SGCZ: variants seen among roughly 807,000 people sequenced by gnomAD.
The protein encoded by SGCZ is zeta-sarcoglycan.
A neutral mutation model predicts 41.3 loss-of-function variants in SGCZ; 40 were observed. The observed-to-expected ratio is 0.97, with a 90% CI of 0.75 to 1.26. The LOEUF is 1.26. Among genes scored for constraint, SGCZ ranks in the 50% most tolerant of loss-of-function variants. The pLI is 0.00. For synonymous variants in SGCZ, 206 were observed against 137.5 expected, an observed-to-expected ratio of 1.50 and a Z score of -3.49; for missense variants, 552 against 369.8, an observed-to-expected ratio of 1.49 and a Z score of -4.04.
intron 5 of SGCZ, among the ~76,000 whole-genome samples, chr8:14,153,867 T>A (rs997376579): frequency 1.3e-5 from 2 of 151,994 alleles, no homozygotes; most frequent in Non-Finnish European, 2.9e-5. Context: ...AGTGCCCTTA[T>A]GAGAAGAAGA....
Position 14,595,603 on chromosome 8 carries a change from C to T in SGCZ, c.40-40677G>A, listed in dbSNP as rs952840619. On this transcript the variant is annotated intron_variant, in intron 1 of 7. Transcript: ENST00000382080. ...GCAGCTGGCTAACCTTGAACTAATT[C>T]CCAGTTTGTTTTGCATCCTCATCTC... Among the ~76,000 whole-genome samples the T allele has an allele frequency of 3.3e-5, 5 of 152,118 alleles. 1 individual carries two copies. The highest frequency in any genetic ancestry group is 1.3e-4 in the Admixed American group (2 of 15,262).
At chr8:14,789,901 A>G (rs1452958197) in intron 1 of SGCZ, among the ~76,000 whole-genome samples, 2 of 152,140 alleles carry the variant, frequency 1.3e-5, no homozygotes, top group Non-Finnish European at 2.9e-5. Flanking sequence ...ATAAAATTTC[A>G]GGCCCATGAA....
chr8:15,073,444 G>T (rs1805424203), intron 1 of SGCZ, among the ~76,000 whole-genome samples: 1 of 152,142 alleles, frequency 6.6e-6, no homozygotes, highest in African/African-American at 2.4e-5. Flanking sequence ...TAAGATTAAT[G>T]AAAATGCAAG....
rs530952148 is a variant in SGCZ at position 15,186,160 on chromosome 8, G to A, written c.39+51425C>T. Among the ~76,000 whole-genome samples the A allele has an allele frequency of 5.3e-5, 8 of 150,344 alleles. No individual in the cohort carries two copies. In the East Asian group the frequency reaches 1.6e-3, roughly 29 times the overall value. ...GCCTGTAGTCCCAGCTACTCGGGAG[G>A]CTGAGCCAGGAGAATGGCATGAACC... On this transcript the variant is annotated intron_variant, in intron 1 of 7. Transcript: ENST00000382080.
At chr8:15,088,689 C>T (rs1806039970) in intron 1 of SGCZ, among the ~76,000 whole-genome samples, 1 of 152,076 alleles carries the variant, frequency 6.6e-6, no homozygotes, top group South Asian at 2.1e-4. Flanking sequence ...ACACCCTTTC[C>T]CCCTGCACTT....
chr8:15,219,413 C>A (rs775646643), intron 1 of SGCZ, among the ~76,000 whole-genome samples: 2 of 152,314 alleles, frequency 1.3e-5, no homozygotes, highest in Middle Eastern at 3.4e-3. Context: ...ACTGCATCTT[C>A]TGCTTTCATA....
chr8:14,982,716 C>G (rs1294891336), intron 1 of SGCZ, among the ~76,000 whole-genome samples: 1 of 152,098 alleles, frequency 6.6e-6, no homozygotes, highest in African/African-American at 2.4e-5. Flanking sequence ...TTTTCCATTG[C>G]TATAGAGAAA....
chr8:14,519,644 C>A (rs1243214695), intron 2 of SGCZ, among the ~76,000 whole-genome samples: 8 of 152,034 alleles, frequency 5.3e-5, no homozygotes, highest in Non-Finnish European at 1.0e-4. Flanking sequence ...GGCCTCTCTA[C>A]CTTTCTTCGT....
Position 14,820,180 on chromosome 8 carries a change from T to C in SGCZ, c.40-265254A>G, listed in dbSNP as rs78914876. Among the ~76,000 whole-genome samples the C allele has an allele frequency of 8.3e-3, 1,268 of 152,048 alleles. 62 individuals are homozygous for C. Among genetic ancestry groups the C allele is most frequent in the Admixed American group, 0.056 (862 of 15,276 alleles). On this transcript the variant is annotated intron_variant, in intron 1 of 7. Coordinates refer to ENST00000382080, the MANE Select transcript of SGCZ (RefSeq NM_139167.4). ...ACAAACATCAACTAAATGGAAGGCA[T>C]AGAAAAAGACATTTCAGGCAAATGA...
chr8:15,139,653 C>T (rs966567902), intron 1 of SGCZ, among the ~76,000 whole-genome samples: 4 of 149,876 alleles, frequency 2.7e-5, no homozygotes, highest in Non-Finnish European at 6.0e-5. Flanking sequence ...CTTATTTAAC[C>T]AAAATTCCAA....
intron 1 of SGCZ, among the ~76,000 whole-genome samples, chr8:14,711,086 T>C (rs1202638052): frequency 6.6e-6 from 1 of 152,180 alleles, no homozygotes; most frequent in Admixed American, 6.5e-5. Flanking sequence ...CTTATGCTTA[T>C]TCATGAAGTC....
chr8:14,167,519 C>G (rs1178349449), intron 4 of SGCZ, among the ~76,000 whole-genome samples: 1 of 151,872 alleles, frequency 6.6e-6, no homozygotes, highest in East Asian at 1.9e-4. Context: ...TTAGGAACAT[C>G]TCTGAGAAAG....
intron 2 of SGCZ, among the ~76,000 whole-genome samples, chr8:14,423,484 T>C (rs1799691531): frequency 6.6e-6 from 1 of 152,110 alleles, no homozygotes; most frequent in Non-Finnish European, 1.5e-5. Context: ...TGGTGCAATG[T>C]CGACTCACCG....
At chr8:14,964,995 A>T (rs369374637) in intron 1 of SGCZ, among the ~76,000 whole-genome samples, 2 of 152,136 alleles carry the variant, frequency 1.3e-5, no homozygotes, top group Admixed American at 6.5e-5. Flanking sequence ...TTACCCACTC[A>T]GTTCTAATCC....
chr8:14,137,087 C>CTGT (rs1230424074), intron 5 of SGCZ, among the ~76,000 whole-genome samples: 1 of 152,182 alleles, frequency 6.6e-6, no homozygotes, highest in East Asian at 1.9e-4. Flanking sequence ...TGGGTCCTGA[C>CTGT]TGTTAGAAGG....
intron 1 of SGCZ, among the ~76,000 whole-genome samples, chr8:14,657,224 A>C (rs17119940): frequency 0.26 from 39,127 of 151,782 alleles, 5,695 homozygotes; most frequent in African/African-American, 0.39. Context: ...TTTTCCCTGT[A>C]ACCCCAGAAA....
chr8:14,532,804 A>G (rs895065892), intron 2 of SGCZ, among the ~76,000 whole-genome samples: 2 of 151,660 alleles, frequency 1.3e-5, no homozygotes, highest in Non-Finnish European at 2.9e-5. Flanking sequence ...ACAAAAACGT[A>G]AAGAAAGTCC....
chr8:14,309,508 A>G, intron 3 of SGCZ: 6 of 1,609,062 alleles, frequency 3.7e-6, no homozygotes, highest in Non-Finnish European at 5.1e-6. Context: ...GTGATAAGAG[A>G]GCAGTGTGGA....
At chr8:14,377,085 C>A (rs953890078) in intron 2 of SGCZ, among the ~76,000 whole-genome samples, 6 of 152,070 alleles carry the variant, frequency 3.9e-5, no homozygotes, top group African/African-American at 9.7e-5. Flanking sequence ...CCCTATATAG[C>A]CCCAGCATAG....
Sources: allele counts gnomAD v4.1 joint callset (sites outside exome capture counted in the v4.1 genomes callset), GRCh38; gene constraint gnomAD v4.1.1; transcripts MANE v1.5; gene names NCBI Gene and HGNC (gene_info 2026-07-23, HGNC 2026-07-21).